The following MYRIP variants were observed in gnomAD, a reference collection of about 807,000 sequenced individuals.
MYRIP encodes myosin VIIA and Rab interacting protein.
A neutral mutation model predicts 98.0 loss-of-function variants in MYRIP; 49 were observed. The ratio of observed to expected loss-of-function variants is 0.50; its 90% CI spans 0.40 to 0.63. The LOEUF (loss-of-function observed/expected upper bound fraction) is 0.63, where lower values mean the gene tolerates loss of function less well. Ranked by LOEUF, MYRIP falls within the 30% of genes least tolerant of loss-of-function variation. MYRIP has a pLI of 0.00. For synonymous variants in MYRIP, 404 were observed against 409.5 expected, an observed-to-expected ratio of 0.99 and a Z score of 0.16; for missense variants, 1,004 against 1,058.2, an observed-to-expected ratio of 0.95 and a Z score of 0.71.
intron 2 of MYRIP, among the ~76,000 whole-genome samples, chr3:39,919,693 G>GTGTGTGT (rs796639053): frequency 2.1e-5 from 3 of 143,364 alleles, no homozygotes; most frequent in East Asian, 2.1e-4. Context: ...GGGTATGTGT[G>GTGTGTGT]GTGTGTGTGT....
chr3:40,057,344 T>G (rs1947906208), intron 3 of MYRIP, among the ~76,000 whole-genome samples: 2 of 152,190 alleles, frequency 1.3e-5, no homozygotes, highest in Admixed American at 6.5e-5. Context: ...GGATTGCATT[T>G]TGGAACTAAG....
intron 1 of MYRIP, among the ~76,000 whole-genome samples, chr3:39,873,031 TA>T (rs1942853436): frequency 6.6e-6 from 1 of 152,256 alleles, no homozygotes; most frequent in Non-Finnish European, 1.5e-5. Context: ...ATTGCCATCC[TA>T]ACTGGTGTGA....
chr3:39,986,167 G>A (rs1251463157), intron 2 of MYRIP, among the ~76,000 whole-genome samples: 1 of 152,136 alleles, frequency 6.6e-6, no homozygotes, highest in Non-Finnish European at 1.5e-5. Context: ...CTAGTGTTAG[G>A]TGGGAATTGG....
Position 40,233,997 on chromosome 3 carries a change from C to G in MYRIP, c.2044C>G (p.Pro682Ala). 1 of 1,613,306 alleles carries G rather than the reference C, an allele frequency of 6.2e-7. No homozygotes were observed. Among genetic ancestry groups the G allele is most frequent in the Non-Finnish European group, 8.5e-7 (1 of 1,179,752 alleles). Residue 682 changes from proline to alanine, a missense_variant, in exon 12 of 17, where the codon CCT becomes GCT. Pro to Ala is a conservative substitution (Grantham distance 27, BLOSUM62 -1). Coordinates refer to ENST00000302541, the MANE Select transcript of MYRIP (RefSeq NM_015460.4). The part of the protein sequence containing the change: ...VPPDRQKGMF[P>A]RGTDQVRLDE... ...TCCTGACAGACAGAAGGGGATGTTT[C>G]CTCGTGGGACAGACCAAGTGAGACT...
chr3:40,169,949 GA>G lies in MYRIP; in HGVS notation c.730del (p.Ile244LeufsTer62). The G allele has an allele frequency of 6.2e-7, 1 of 1,614,132 alleles. No homozygotes were observed. Among genetic ancestry groups the G allele is most frequent in the East Asian group, 2.2e-5 (1 of 44,882 alleles). On this transcript the variant is annotated frameshift_variant and splice_region_variant, in exon 8 of 17. Coordinates refer to ENST00000302541, the MANE Select transcript of MYRIP (RefSeq NM_015460.4). LOFTEE classifies it high-confidence loss of function. ...CCCCTTTTTTGTCCTCCCCTCCCCA[GA>G]TTATACGAAAACAGAAGAGCAAAAG... ...EELATTILQK[I>X]IRKQKSKSEQ...
intron 3 of MYRIP, among the ~76,000 whole-genome samples, chr3:40,115,159 C>G (rs113842293): frequency 6.6e-6 from 1 of 152,046 alleles, no homozygotes; most frequent in Non-Finnish European, 1.5e-5. Context: ...AAAAGTTGCT[C>G]CTAGTGTGAA....
At chr3:40,174,955 A>G (rs1316832453) in intron 8 of MYRIP, among the ~76,000 whole-genome samples, 2 of 152,084 alleles carry the variant, frequency 1.3e-5, no homozygotes, top group African/African-American at 4.8e-5. Context: ...CATCCTGGCT[A>G]ACATGGTGAA....
chr3:40,240,422 T>A (rs945997414), intron 12 of MYRIP, among the ~76,000 whole-genome samples: 5 of 152,262 alleles, frequency 3.3e-5, no homozygotes, highest in Non-Finnish European at 7.4e-5. Flanking sequence ...TGGGCGCAGG[T>A]CAGTGGGTGC....
At chr3:40,112,121 T>C (rs2125902424) in intron 3 of MYRIP, among the ~76,000 whole-genome samples, 1 of 152,244 alleles carries the variant, frequency 6.6e-6, no homozygotes, top group East Asian at 1.9e-4. Context: ...GCTGAATTGT[T>C]CCCTGCATTG....
At chr3:39,979,983 G>T (rs143982589) in intron 2 of MYRIP, among the ~76,000 whole-genome samples, 2 of 152,178 alleles carry the variant, frequency 1.3e-5, no homozygotes, top group Non-Finnish European at 2.9e-5. Flanking sequence ...GAGCACAGGA[G>T]CTCACATGCC....
intron 3 of MYRIP, among the ~76,000 whole-genome samples, chr3:40,140,859 G>A (rs2125561151): frequency 6.6e-6 from 1 of 152,158 alleles, no homozygotes; most frequent in South Asian, 2.1e-4. Flanking sequence ...ATCATGTCAT[G>A]AAAAATGGAG....
chr3:40,249,922 C>A (rs1205160886), intron 13 of MYRIP, among the ~76,000 whole-genome samples: 2 of 152,154 alleles, frequency 1.3e-5, no homozygotes, highest in African/African-American at 4.8e-5. Context: ...GCCAGGTGGC[C>A]CCGGGCCAGG....
At chr3:40,095,610 G>C (rs536438750) in intron 3 of MYRIP, among the ~76,000 whole-genome samples, 1 of 152,054 alleles carries the variant, frequency 6.6e-6, no homozygotes, top group Non-Finnish European at 1.5e-5. Context: ...TGAGAAATGC[G>C]TGGGCAGGGG....
chr3:40,087,881 A>G (rs1464334074), intron 3 of MYRIP, among the ~76,000 whole-genome samples: 1 of 152,152 alleles, frequency 6.6e-6, no homozygotes, highest in African/African-American at 2.4e-5. Flanking sequence ...ACCAGCTGGC[A>G]GGTAGGGGTG....
intron 3 of MYRIP, among the ~76,000 whole-genome samples, chr3:40,126,216 A>G (rs1219902459): frequency 2.0e-5 from 3 of 152,206 alleles, no homozygotes; most frequent in African/African-American, 4.8e-5. Flanking sequence ...TGAAATGCCC[A>G]TTCCCAGACC....
At chr3:39,889,430 C>CA (rs1215188822) in intron 1 of MYRIP, among the ~76,000 whole-genome samples, 1 of 152,024 alleles carries the variant, frequency 6.6e-6, no homozygotes, top group East Asian at 1.9e-4. Flanking sequence ...ATGGCAAGAA[C>CA]AAAAAACCAA....
intron 2 of MYRIP, among the ~76,000 whole-genome samples, chr3:40,011,869 T>C (rs1207941061): frequency 2.0e-5 from 3 of 152,136 alleles, no homozygotes; most frequent in Admixed American, 2.0e-4. Context: ...TGATTTGCAA[T>C]CTAAGTAGAG....
intron 3 of MYRIP, among the ~76,000 whole-genome samples, chr3:40,074,167 C>T (rs561080586): frequency 1.3e-3 from 203 of 152,004 alleles, no homozygotes; most frequent in African/African-American, 4.6e-3. Flanking sequence ...CTCCACCTCC[C>T]GGGTTCACAC....
intron 3 of MYRIP, among the ~76,000 whole-genome samples, chr3:40,136,088 C>A (rs974543377): frequency 1.3e-5 from 2 of 152,140 alleles, no homozygotes; most frequent in Non-Finnish European, 2.9e-5. Context: ...CACAGACTGG[C>A]AAATTGGATA....
Sources: allele counts gnomAD v4.1 joint callset (sites outside exome capture counted in the v4.1 genomes callset), GRCh38; gene constraint gnomAD v4.1.1; transcripts MANE v1.5; gene names NCBI Gene and HGNC (gene_info 2026-07-23, HGNC 2026-07-21).